WWOX: variants seen among roughly 807,000 people sequenced by gnomAD.
The protein encoded by WWOX is WW domain containing oxidoreductase.
A neutral mutation model predicts 46.2 loss-of-function variants in WWOX; 69 were observed. The ratio of observed to expected loss-of-function variants is 1.49; its 90% confidence interval spans 1.23 to 1.82. The LOEUF (loss-of-function observed/expected upper bound fraction) is 1.82. Ranked by LOEUF, WWOX falls within the 40% of genes most tolerant of loss-of-function variation. The pLI is 0.00. For missense variants in WWOX, 919 were observed against 542.6 expected (o/e 1.69, Z -6.89); for synonymous variants, 359 against 202.6 (o/e 1.77, Z -6.56).
intron 8 of WWOX, among the ~76,000 whole-genome samples, chr16:78,473,660 C>T (rs780395633): frequency 5.9e-5 from 9 of 152,092 alleles, no homozygotes; most frequent in East Asian, 1.9e-4. Context: ...TGATATGGAG[C>T]GTTTTTTTTG....
chr16:78,585,974 A>T (rs1025720347), intron 8 of WWOX, among the ~76,000 whole-genome samples: 5 of 151,670 alleles, frequency 3.3e-5, no homozygotes, highest in African/African-American at 4.8e-5. Context: ...AGACTCGGGG[A>T]TCCCTTGAGC....
rs71140808 is a variant in WWOX at position 78,527,991 on chromosome 16, C to CT, written c.1056+95264dup. On this transcript the variant is annotated intron_variant, in intron 8 of 8. Transcript: ENST00000566780. Reference sequence around the variant, plus strand: ...CTATGTCACAGGACTGGTACATGTCCTTTTTTTTTTTTTTTTTTTTTTTTT... The same window carrying CT: ...CTATGTCACAGGACTGGTACATGTCCTTTTTTTTTTTTTTTTTTTTTTTTTT... Among the ~76,000 whole-genome samples the CT allele has an allele frequency of 9.6e-3, 336 of 34,878 alleles. 43 individuals are homozygous for CT. Among genetic ancestry groups the CT allele is most frequent in the East Asian group, 0.017 (17 of 1,024 alleles). The allele number at this position is 34,878 out of a possible 152,430, so 22.9% of individuals were successfully genotyped here.
At chr16:78,399,852 A>T (rs1438538074) in intron 6 of WWOX, among the ~76,000 whole-genome samples, 1 of 152,210 alleles carries the variant, frequency 6.6e-6, no homozygotes, top group African/African-American at 2.4e-5. Context: ...TTTTAATAAC[A>T]TGGGAACCAT....
chr16:78,994,168 C>G (rs113545217), intron 8 of WWOX, among the ~76,000 whole-genome samples: 4 of 152,326 alleles, frequency 2.6e-5, no homozygotes, highest in African/African-American at 9.6e-5. Flanking sequence ...TTCAGACAAA[C>G]TGCATCACAT....
chr16:78,741,723 G>A (rs545074921), intron 8 of WWOX, among the ~76,000 whole-genome samples: 31 of 151,816 alleles, frequency 2.0e-4, no homozygotes, highest in Admixed American at 3.9e-4. Context: ...GGCATGGGGC[G>A]GGTGCTCTGT....
At chr16:78,647,521 C>T (rs2046872255) in intron 8 of WWOX, among the ~76,000 whole-genome samples, 2 of 152,204 alleles carry the variant, frequency 1.3e-5, no homozygotes, top group Admixed American at 1.3e-4. Flanking sequence ...GAATGGATGT[C>T]TGAGGTATGC....
intron 8 of WWOX, among the ~76,000 whole-genome samples, chr16:79,128,154 A>G (rs1401411797): frequency 6.6e-6 from 1 of 152,136 alleles, no homozygotes; most frequent in Non-Finnish European, 1.5e-5. Flanking sequence ...AGAAGAAGAC[A>G]ATGGCTGTGG....
intron 8 of WWOX, chr16:78,899,190 A>G (rs1030568069): frequency 6.6e-6 from 1 of 152,106 alleles, no homozygotes; most frequent in Non-Finnish European, 1.5e-5. Context: ...ATGTGATGCT[A>G]GTTGTATGTT....
chr16:78,892,289 A>C (rs1336176045), intron 8 of WWOX: 1 of 152,204 alleles, frequency 6.6e-6, no homozygotes, highest in African/African-American at 2.4e-5. Flanking sequence ...ACCACATGCT[A>C]AAATAAAAAA....
At chr16:78,561,141 C>G (rs948964888) in intron 8 of WWOX, among the ~76,000 whole-genome samples, 1 of 152,164 alleles carries the variant, frequency 6.6e-6, no homozygotes, top group Non-Finnish European at 1.5e-5. Flanking sequence ...CTACTGACTT[C>G]TGCTGGTGGC....
intron 8 of WWOX, among the ~76,000 whole-genome samples, chr16:78,825,034 C>G (rs534594901): frequency 2.2e-4 from 34 of 152,244 alleles, no homozygotes; most frequent in Admixed American, 4.6e-4. Flanking sequence ...CTCACCATCC[C>G]CTAAACCCTA....
intron 8 of WWOX, among the ~76,000 whole-genome samples, chr16:78,849,212 C>T (rs541007151): frequency 1.3e-5 from 2 of 152,166 alleles, no homozygotes; most frequent in Non-Finnish European, 2.9e-5. Context: ...GGAGCACTCA[C>T]CTTTGGGCAT....
intron 8 of WWOX, among the ~76,000 whole-genome samples, chr16:79,023,413 A>T (rs2047574437): frequency 6.6e-6 from 1 of 152,132 alleles, no homozygotes; most frequent in South Asian, 2.1e-4. Flanking sequence ...GTTACCCTGG[A>T]GTTGTGAGGA....
chr16:78,519,405 G>C (rs992011458), intron 8 of WWOX, among the ~76,000 whole-genome samples: 5 of 151,930 alleles, frequency 3.3e-5, no homozygotes, highest in African/African-American at 1.2e-4. Context: ...TCCCACGTCA[G>C]ACCTTTCCAT....
At chr16:78,187,073 A>T (rs2035733864) in intron 5 of WWOX, among the ~76,000 whole-genome samples, 1 of 152,250 alleles carries the variant, frequency 6.6e-6, no homozygotes, top group East Asian at 1.9e-4. Flanking sequence ...CATCATAGTC[A>T]GGATACAGAA....
intron 5 of WWOX, among the ~76,000 whole-genome samples, chr16:78,195,389 AC>A (rs1350041984): frequency 6.6e-6 from 1 of 152,024 alleles, no homozygotes; most frequent in Non-Finnish European, 1.5e-5. Flanking sequence ...CTCACCTCCT[AC>A]TGGTTAGTGG....
intron 5 of WWOX, among the ~76,000 whole-genome samples, chr16:78,342,346 C>G (rs897627635): frequency 8.3e-6 from 1 of 120,826 alleles, no homozygotes; most frequent in Non-Finnish European, 2.0e-5. Flanking sequence ...CCCTACACAA[C>G]CACTCGTGAA....
chr16:78,927,497 C>G (rs181122057), intron 8 of WWOX, among the ~76,000 whole-genome samples: 57 of 152,160 alleles, frequency 3.7e-4, no homozygotes, highest in African/African-American at 1.3e-3. Flanking sequence ...GCACGGAGCC[C>G]AGAGCCAGAC....
At chr16:78,921,897 C>T (rs2045387976) in intron 8 of WWOX, among the ~76,000 whole-genome samples, 2 of 152,182 alleles carry the variant, frequency 1.3e-5, no homozygotes, top group Admixed American at 6.5e-5. Flanking sequence ...ATTGTATTTA[C>T]AGTTACAGTT....
Sources: gnomAD v4.1 joint callset for allele counts (sites outside exome capture counted in the v4.1 genomes callset) on GRCh38, gnomAD v4.1.1 for gene constraint, MANE v1.5 for transcripts, NCBI Gene and HGNC (gene_info 2026-07-23, HGNC 2026-07-21) for gene names.